ARHGEF40: variants seen among roughly 807,000 people sequenced by gnomAD.
The protein encoded by ARHGEF40 is Rho guanine nucleotide exchange factor 40.
Under a neutral mutation model 165.9 loss-of-function variants are expected in ARHGEF40, and 98 were observed. The observed-to-expected ratio is 0.59, with a 90% CI of 0.50 to 0.70. ARHGEF40 has a LOEUF of 0.70. Ranked by LOEUF, ARHGEF40 falls within the 30% of genes least tolerant of loss-of-function variation. ARHGEF40 has a pLI of 0.00. For synonymous variants in ARHGEF40, 792 were observed against 814.3 expected (o/e 0.97, Z 0.47); for missense variants, 1,815 against 1,968.0 (o/e 0.92, Z 1.47).
At position 21,081,819 on chromosome 14, in the gene ARHGEF40, G is replaced by C; in HGVS notation, c.2951G>C (p.Ser984Thr). 6.2e-7 allele frequency: 1 copy of C among 1,606,024 alleles called. No individual in the cohort carries two copies. Among genetic ancestry groups the C allele is most frequent in the South Asian group, 1.1e-5 (1 of 90,272 alleles). ...SSGGAQWGPR[S>T]PSPSLSSLLL... Reference sequence around the variant, plus strand: ...GGAGGGGCCCAGTGGGGGCCCCGCAGCCCCTCGCCCAGCCTCAGCTCCTTG... The same window carrying C: ...GGAGGGGCCCAGTGGGGGCCCCGCACCCCCTCGCCCAGCCTCAGCTCCTTG... Residue 984 changes from serine to threonine, a missense_variant, in exon 14 of 24, where the codon AGC becomes ACC. Coordinates refer to ENST00000298694, the MANE Select transcript of ARHGEF40 (RefSeq NM_018071.5).
In ARHGEF40 at chr14:21,083,909, G is replaced by T; in HGVS notation, c.3648G>T (p.Arg1216=). 6.2e-7 allele frequency: 1 copy of T among 1,614,100 alleles called. No homozygotes were observed. The highest frequency in any genetic ancestry group is 8.5e-7 in the Non-Finnish European group (1 of 1,180,038). The change falls in exon 17 of 24, where the codon CGG becomes CGT. Residue 1216 remains arginine, a synonymous_variant. Coordinates refer to ENST00000298694, the MANE Select transcript of ARHGEF40 (RefSeq NM_018071.5). ...QPLEQLTRYG[R]LLEELLREAG... Reference sequence around the variant, plus strand: ...TGGAACAGCTGACTCGGTATGGGCGGCTCCTGGAGGAGCTCCTGAGGGAAG... The same window carrying T: ...TGGAACAGCTGACTCGGTATGGGCGTCTCCTGGAGGAGCTCCTGAGGGAAG...
chr14:21,074,406 A>G lies in ARHGEF40; in HGVS notation c.676A>G (p.Ser226Gly). The G allele has an allele frequency of 6.2e-7, 1 of 1,612,040 alleles. No homozygotes were observed. The highest frequency in any genetic ancestry group is 1.1e-5 in the South Asian group (1 of 90,890). ...TCCTGAGGAGGCGCTGGGTACCCGG[A>G]GTCCTGGGGATGGGCACAATGCCCC... ...PLPEEALGTR[S>G]PGDGHNAPVE... The change falls in exon 3 of 24, where the codon AGT (serine) becomes GGT (glycine). Residue 226 changes from serine to glycine, a missense_variant. By Grantham distance (56) the Ser-to-Gly change is moderately conservative. Transcript: ENST00000298694. The surrounding 1 kb of genome is among the most constrained non-coding windows in gnomAD (Gnocchi z 4.8).
At chr14:21,086,775 T>G in intron 19 of ARHGEF40, 1 of 506,692 alleles carries the variant, frequency 2.0e-6, no homozygotes. Flanking sequence ...GGATGCAACA[T>G]ATTGGAGAGA....
At chr14:21,080,524 AT>A (rs1339153557) in intron 11 of ARHGEF40, 135 bp from the exon 12 acceptor site, 1 of 992,182 alleles carries the variant, frequency 1.0e-6, no homozygotes, top group Non-Finnish European at 1.4e-6. Flanking sequence ...CACTGTTGTC[AT>A]TCCCACATTG....
chr14:21,081,613 T>C lies in ARHGEF40; in HGVS notation c.2745T>C (p.Ser915=). 6.2e-7 allele frequency: 1 copy of C among 1,610,878 alleles called. No individual in the cohort carries two copies. The change falls in exon 14 of 24, where the codon AGT becomes AGC. Residue 915 remains serine, a synonymous_variant. Transcript: ENST00000298694. ...ALALRRAPEP[S]AGTFQEMRAL... ...CCCTGCGGCGGGCCCCAGAGCCCAG[T>C]GCCGGCACCTTCCAGGAGATGCGGG... is the stretch of plus-strand genomic sequence containing the variant.
chr14:21,088,154 T>G, intron 22 of ARHGEF40, 56 bp downstream of exon 22: 1 of 1,543,000 alleles, frequency 6.5e-7, no homozygotes, highest in Non-Finnish European at 8.7e-7. Flanking sequence ...GCTTTCTGGA[T>G]GGGCTTTTCT....
intron 17 of ARHGEF40, 60 bp downstream of exon 17, chr14:21,084,110 T>C: frequency 2.0e-6 from 3 of 1,495,516 alleles, no homozygotes; most frequent in Non-Finnish European, 2.7e-6. Flanking sequence ...TCAGAAGCCG[T>C]GTAGGTTGGT....
chr14:21,073,109 C>T lies in ARHGEF40; in HGVS notation c.68C>T (p.Ala23Val), dbSNP rs1466604573. 6.2e-7 allele frequency: 1 copy of T among 1,614,146 alleles called. No individual in the cohort carries two copies. Among genetic ancestry groups the T allele is most frequent in the Non-Finnish European group, 8.5e-7 (1 of 1,180,028 alleles). The change falls in exon 2 of 24, where the codon GCA (alanine) becomes GTA (valine). Residue 23 changes from alanine to valine, a missense_variant. Transcript: ENST00000298694. The surrounding 1 kb of genome is among the most constrained non-coding windows in gnomAD (Gnocchi z 4.6). ...TLAALYPPFE[A>V]TAPTLLGQVF... The stretch of plus-strand genomic sequence containing the variant: ...GCCGCCCTGTATCCACCCTTTGAGG[C>T]AACAGCCCCCACCCTGTTGGGCCAG...
At chr14:21,088,809 C>T (rs1187661205) in intron 22 of ARHGEF40, 21 bp from the exon 23 acceptor site, 3 of 1,598,758 alleles carry the variant, frequency 1.9e-6, no homozygotes, top group African/African-American at 1.3e-5. Flanking sequence ...CCTAAATTCA[C>T]TGTAGCTTCT....
chr14:21,064,617 C>T, the ARHGEF40 span, among the ~76,000 whole-genome samples: 1 of 152,092 alleles, frequency 6.6e-6, no homozygotes, highest in African/African-American at 2.4e-5. Context: ...GATGCTTTAA[C>T]TAAAGACAAT....
chr14:21,075,307 C>A lies in ARHGEF40; in HGVS notation c.1451-25C>A. The A allele has an allele frequency of 6.2e-7, 1 of 1,612,798 alleles. No homozygotes were observed. The highest frequency in any genetic ancestry group is 8.5e-7 in the Non-Finnish European group (1 of 1,179,586). On this transcript the variant is annotated intron_variant, in intron 3 of 23. Coordinates refer to ENST00000298694, the MANE Select transcript of ARHGEF40 (RefSeq NM_018071.5). The surrounding 1 kb of genome is among the most constrained non-coding windows in gnomAD (Gnocchi z 4.5). ...ACCAGAACCATCTTAACTTCAGTCC[C>A]ATGTTTCTGTCTGTGTCTGTGCAGG...
upstream of ARHGEF40, chr14:21,070,244 C>G (rs1273601998): frequency 3.7e-6 from 3 of 807,188 alleles, no homozygotes; most frequent in African/African-American, 1.8e-5. The surrounding 1 kb of genome is among the most constrained non-coding windows in gnomAD (Gnocchi z 4.7). Flanking sequence ...TGGCGGGGCC[C>G]CGCGGCCTGG....
chr14:21,080,807 G>T (rs746473907), intron 12 of ARHGEF40, 25 bp downstream of exon 12: 1 of 1,603,402 alleles, frequency 6.2e-7, no homozygotes, highest in South Asian at 1.1e-5. Flanking sequence ...GAGGGCAGGT[G>T]AGAGGAGGCA....
Position 21,085,762 on chromosome 14 carries a change from G to A in ARHGEF40, c.4034G>A (p.Arg1345His), listed in dbSNP as rs779125789. ...TTTGAGTTGTGGTTTCGGCGGCGGCGTGCACGAGAGGCATACACTCTGCAG... is the reference window on the plus strand; with the variant it reads ...TTTGAGTTGTGGTTTCGGCGGCGGCATGCACGAGAGGCATACACTCTGCAG... ...LCFELWFRRR[R>H]AREAYTLQAT... is the part of the protein sequence containing the mutation. The change falls in exon 19 of 24, where the codon CGT becomes CAT. Residue 1345 changes from arginine to histidine, a missense_variant. By Grantham distance (29) the Arg-to-His change is conservative (BLOSUM62 0). Coordinates refer to ENST00000298694, the MANE Select transcript of ARHGEF40 (RefSeq NM_018071.5). 97 of 1,614,052 alleles carry A rather than the reference G, an allele frequency of 6.0e-5. No homozygotes were observed. The highest frequency in any genetic ancestry group is 1.1e-4 in the East Asian group (5 of 44,900).
In ARHGEF40 at chr14:21,084,013, G is replaced by A. The variant is rs1888148205; in HGVS notation, c.3752G>A (p.Arg1251Lys). 6.2e-7 allele frequency: 1 copy of A among 1,612,038 alleles called. No individual in the cohort carries two copies. The highest frequency in any genetic ancestry group is 1.3e-5 in the African/African-American group (1 of 75,016). The change falls in exon 17 of 24, where the codon AGA becomes AAA. Residue 1251 changes from arginine to lysine, a missense_variant. By Grantham distance (26) the Arg-to-Lys change is conservative. Coordinates refer to ENST00000298694, the MANE Select transcript of ARHGEF40 (RefSeq NM_018071.5). ...CTCCGGGAACAAGAGGCCCGTGGCA[G>A]AGACCTGCTGGCCGTGGAGGCGGTG... ...QLLREQEARG[R>K]DLLAVEAVRG...
chr14:21,088,654 C>G (rs1259347243), intron 22 of ARHGEF40, among the ~76,000 whole-genome samples, 176 bp from the exon 23 acceptor site: 2 of 152,028 alleles, frequency 1.3e-5, no homozygotes, highest in South Asian at 2.1e-4. Flanking sequence ...CCACTGCACT[C>G]CAACCTGGGC....
chr14:21,073,170 C>T lies in ARHGEF40; in HGVS notation c.129C>T (p.Asp43=), dbSNP rs371983969. The change falls in exon 2 of 24, where the codon GAC becomes GAT. Residue 43 remains aspartate, a synonymous_variant. Coordinates refer to ENST00000298694, the MANE Select transcript of ARHGEF40 (RefSeq NM_018071.5). The surrounding 1 kb of genome is among the most constrained non-coding windows in gnomAD (Gnocchi z 4.6). ...FQVVERTYRE[D]ALRYTLDFLV... is the part of the protein sequence containing the mutation. ...TGGTGGAGAGGACTTATCGGGAGGA[C>T]GCACTGAGGTACACGCTGGACTTCC... The T allele has an allele frequency of 5.3e-5, 85 of 1,613,956 alleles. No individual in the cohort carries two copies. The highest frequency in any genetic ancestry group is 1.6e-4 in the Middle Eastern group (1 of 6,076).
chr14:21,086,908 A>AG (rs1491363150), intron 19 of ARHGEF40, 93 bp from the exon 20 acceptor site: 10,153 of 227,052 alleles, frequency 0.045, 2 homozygotes, highest in South Asian at 0.073. Context: ...GGAAGGAACG[A>AG]AAAAAAAAAA....
Position 21,074,969 on chromosome 14 carries a change from C to G in ARHGEF40, c.1239C>G (p.Ala413=). Residue 413 remains alanine, a synonymous_variant, in exon 3 of 24, where the codon GCC becomes GCG. Coordinates refer to ENST00000298694, the MANE Select transcript of ARHGEF40 (RefSeq NM_018071.5). The surrounding 1 kb of genome is among the most constrained non-coding windows in gnomAD (Gnocchi z 4.8). ...AGGAAGATGCCAGCCACCAAGAAGC[C>G]CTTGGCAATCTGCCCTCACCAAGTG... ...GDKEDASHQE[A]LGNLPSPSEH... 6.2e-7 allele frequency: 1 copy of G among 1,611,160 alleles called. No individual in the cohort carries two copies. The highest frequency in any genetic ancestry group is 8.5e-7 in the Non-Finnish European group (1 of 1,179,064).
Sources: gnomAD v4.1 joint callset for allele counts (sites outside exome capture counted in the v4.1 genomes callset) on GRCh38, gnomAD v4.1.1 for gene constraint, Gnocchi (gnomAD v3.1) non-coding constraint, MANE v1.5 for transcripts, NCBI Gene and HGNC (gene_info 2026-07-23, HGNC 2026-07-21) for gene names.